The following ZEB1 variants were observed in gnomAD, a reference collection of about 807,000 sequenced individuals.
ZEB1 encodes zinc finger E-box-binding homeobox 1.
ZEB1 carries 21 observed loss-of-function variants against 84.9 expected under a neutral mutation model. That is an observed-to-expected ratio of 0.25 (90% CI 0.18 to 0.36). The LOEUF (loss-of-function observed/expected upper bound fraction) is 0.36. Among genes scored for constraint, ZEB1 ranks in the 10% least tolerant of loss-of-function variants. The probability of loss-of-function intolerance (pLI) is 1.00; values close to 1 mark genes in which losing one functional copy is unlikely to be tolerated. For synonymous variants in ZEB1, 420 were observed against 471.1 expected (o/e 0.89, Z 1.41); for missense variants, 1,104 against 1,330.2 (o/e 0.83, Z 2.65).
At chr10:31,332,482 A>G (rs959902302) in intron 1 of ZEB1, among the ~76,000 whole-genome samples, 9 of 152,230 alleles carry the variant, frequency 5.9e-5, no homozygotes, top group African/African-American at 2.2e-4. Flanking sequence ...TCTGGCATTT[A>G]TTAATGGTTC....
chr10:31,392,180 T>G (rs2049863431), intron 1 of ZEB1, among the ~76,000 whole-genome samples: 1 of 152,146 alleles, frequency 6.6e-6, no homozygotes, highest in Non-Finnish European at 1.5e-5. Flanking sequence ...AACATTAAAA[T>G]GGCCTTCCAA....
At chr10:31,375,563 T>A (rs1421686273) in intron 1 of ZEB1, among the ~76,000 whole-genome samples, 1 of 151,190 alleles carries the variant, frequency 6.6e-6, no homozygotes, top group African/African-American at 2.5e-5. Flanking sequence ...TGAATTGACT[T>A]CTTTCTAAAA....
At chr10:31,361,756 G>T (rs574882314) in intron 1 of ZEB1, among the ~76,000 whole-genome samples, 3 of 148,654 alleles carry the variant, frequency 2.0e-5, no homozygotes, top group Non-Finnish European at 4.5e-5. Flanking sequence ...TTTCCCAGAC[G>T]GTGAGGAGGC....
chr10:31,395,931 C>A (rs1031241713), intron 1 of ZEB1, among the ~76,000 whole-genome samples: 1 of 152,124 alleles, frequency 6.6e-6, no homozygotes, highest in African/African-American at 2.4e-5. Flanking sequence ...TTATTCTTAT[C>A]CCATCATGTC....
At chr10:31,366,072 A>G (rs1460324883) in intron 1 of ZEB1, among the ~76,000 whole-genome samples, 2 of 152,190 alleles carry the variant, frequency 1.3e-5, no homozygotes, top group African/African-American at 2.4e-5. Flanking sequence ...TAATGTTTGC[A>G]CTTTCCCGCT....
intron 1 of ZEB1, among the ~76,000 whole-genome samples, chr10:31,426,746 A>G: frequency 6.6e-6 from 1 of 152,132 alleles, no homozygotes; most frequent in Non-Finnish European, 1.5e-5. Context: ...CTAAACAAAC[A>G]CCTCTCATAG....
At chr10:31,411,625 C>T (rs1180803427) in intron 1 of ZEB1, among the ~76,000 whole-genome samples, 4 of 111,966 alleles carry the variant, frequency 3.6e-5, no homozygotes, top group South Asian at 3.3e-4. Flanking sequence ...GGCGACAGAG[C>T]GAGACTCCGT....
chr10:31,457,469 A>G (rs1406723304), intron 1 of ZEB1, among the ~76,000 whole-genome samples: 2 of 152,152 alleles, frequency 1.3e-5, no homozygotes, highest in Non-Finnish European at 2.9e-5. Context: ...CTTGGAAAAT[A>G]GTTATCGGTC....
chr10:31,364,481 C>A (rs1564602165), intron 1 of ZEB1, among the ~76,000 whole-genome samples: 1 of 152,182 alleles, frequency 6.6e-6, no homozygotes, highest in Admixed American at 6.5e-5. Flanking sequence ...AAGCAGAGCG[C>A]AGGACCAGCC....
intron 5 of ZEB1, among the ~76,000 whole-genome samples, chr10:31,512,514 A>G (rs1407406866): frequency 6.6e-6 from 1 of 152,162 alleles, no homozygotes; most frequent in African/African-American, 2.4e-5. Flanking sequence ...GCAAACTAAA[A>G]GGTAGAATGT....
intron 2 of ZEB1, among the ~76,000 whole-genome samples, chr10:31,472,098 A>G (rs2063345841): frequency 6.6e-6 from 1 of 151,260 alleles, no homozygotes; most frequent in Non-Finnish European, 1.5e-5. Flanking sequence ...AAATGCCCAC[A>G]AGAGAAAGCA....
chr10:31,321,012 AAG>A, intron 1 of ZEB1: 1 of 418,924 alleles, frequency 2.4e-6, no homozygotes, highest in Non-Finnish European at 3.2e-6. Context: ...AACGACTTTT[AAG>A]AGAGGGGCAA....
Position 31,461,228 on chromosome 10 carries a change from G to A in ZEB1, c.250G>A (p.Glu84Lys), listed in dbSNP as rs2061771373. ...EREGNAKNCW[E>K]DDTGKEGQEI... ...AGAAGGGAATGCTAAGAACTGCTGG[G>A]AGGATGACAGTAAGTCTGATTTTTT... The change falls in exon 2 of 9, where the codon GAG becomes AAG. Residue 84 changes from glutamate to lysine, a missense_variant. Around this residue, in one of 7 missense-constraint regions of ZEB1, gnomAD observed 162 missense variants for 184.5 expected, o/e 0.88. Coordinates refer to ENST00000424869, the MANE Select transcript of ZEB1 (RefSeq NM_001174096.2). The A allele has an allele frequency of 6.2e-7, 1 of 1,612,396 alleles. No homozygotes were observed. Among genetic ancestry groups the A allele is most frequent in the Non-Finnish European group, 8.5e-7 (1 of 1,179,140 alleles).
chr10:31,477,590 A>T (rs1384993175), intron 2 of ZEB1, among the ~76,000 whole-genome samples: 5 of 152,058 alleles, frequency 3.3e-5, no homozygotes, highest in African/African-American at 4.8e-5. Context: ...GAGACATCAG[A>T]TTACCTAACT....
intron 3 of ZEB1, among the ~76,000 whole-genome samples, chr10:31,500,076 A>G (rs1189582190): frequency 1.3e-5 from 2 of 152,184 alleles, no homozygotes; most frequent in East Asian, 1.9e-4. Flanking sequence ...TGTAGAAAAT[A>G]TAAGATGGAG....
rs78270448 is a variant in ZEB1, at chr10:31,468,707, G to A, written c.259+7470G>A. Among the ~76,000 whole-genome samples the A allele has an allele frequency of 5.3e-4, 81 of 152,252 alleles. No homozygotes were observed. In the East Asian group the frequency reaches 0.012, roughly 23 times the overall value. Reference sequence around the variant, plus strand: ...CAGAGCCTTGGCCCCCTAAAAGCACGTAGAAGCAAAGCCAAAGGACACAAC... The same window carrying A: ...CAGAGCCTTGGCCCCCTAAAAGCACATAGAAGCAAAGCCAAAGGACACAAC... On this transcript the variant is annotated intron_variant, in intron 2 of 8. Transcript: ENST00000424869.
intron 2 of ZEB1, among the ~76,000 whole-genome samples, chr10:31,473,762 A>C (rs2063636541): frequency 6.6e-6 from 1 of 150,680 alleles, no homozygotes; most frequent in African/African-American, 2.5e-5. Flanking sequence ...GTCAATCCTA[A>C]GCCAAAAGAA....
chr10:31,336,725 A>G (rs1175376634), intron 1 of ZEB1, among the ~76,000 whole-genome samples: 1 of 152,160 alleles, frequency 6.6e-6, no homozygotes, highest in Non-Finnish European at 1.5e-5. Context: ...GTGTATTATA[A>G]GATATTCAAC....
At chr10:31,518,447 G>C (rs74553276) in intron 6 of ZEB1, among the ~76,000 whole-genome samples, 2,307 of 152,220 alleles carry the variant, frequency 0.015, 44 homozygotes, top group African/African-American at 0.052. Flanking sequence ...GACAAACTAG[G>C]ATAGGGAAAT....
Sources: allele counts gnomAD v4.1 joint callset (sites outside exome capture counted in the v4.1 genomes callset), GRCh38; gene constraint gnomAD v4.1.1; regional missense constraint gnomAD v4.1.1; transcripts MANE v1.5; gene names NCBI Gene and HGNC (gene_info 2026-07-23, HGNC 2026-07-21).